Variants in THOC5 observed in about 807,000 individuals in gnomAD.
The protein encoded by THOC5 is THO complex subunit 5.
A neutral mutation model predicts 92.9 loss-of-function variants in THOC5; 43 were observed. That is an observed-to-expected ratio of 0.46 (90% CI 0.36 to 0.60). The LOEUF (loss-of-function observed/expected upper bound fraction) is 0.60. Among genes scored for constraint, THOC5 ranks in the 20% least tolerant of loss-of-function variants. THOC5 has a pLI of 0.00. For missense variants in THOC5, 659 were observed against 849.4 expected, an observed-to-expected ratio of 0.78 and a Z score of 2.79; for synonymous variants, 296 against 320.1, an observed-to-expected ratio of 0.92 and a Z score of 0.80.
chr22:29,529,192 C>G lies in THOC5; in HGVS notation c.895G>C (p.Ala299Pro). 6.2e-7 allele frequency: 1 copy of G among 1,614,216 alleles called. No individual in the cohort carries two copies. Among genetic ancestry groups the G allele is most frequent in the Non-Finnish European group, 8.5e-7 (1 of 1,180,042 alleles). ...AIEGSVDEAKALFKPPEDSQD... is the reference protein window; with the variant it reads ...AIEGSVDEAKPLFKPPEDSQD... ...GAGTCCTCTGGAGGTTTGAACAGAG[C>G]CTTGGCTTCATCCACACTGCCTTCG... The change falls in exon 9 of 20, where the codon GCT (alanine) becomes CCT (proline). Residue 299 changes from alanine (A) to proline (P), a missense_variant. Coordinates refer to ENST00000490103, the MANE Select transcript of THOC5 (RefSeq NM_003678.5).
At chr22:29,551,666 G>A (rs1223348111) in intron 1 of THOC5, among the ~76,000 whole-genome samples, 1 of 152,112 alleles carries the variant, frequency 6.6e-6, no homozygotes, top group East Asian at 1.9e-4. Context: ...TGGGAGGATG[G>A]CTTGAGCCCA....
chr22:29,525,746 G>A, intron 12 of THOC5, 92 bp downstream of exon 12: 11 of 992,416 alleles, frequency 1.1e-5, no homozygotes, highest in Non-Finnish European at 1.6e-5. Flanking sequence ...GCCCTCTCCA[G>A]AGCCAGAGGG....
chr22:29,542,489 A>G (rs1047472008), intron 5 of THOC5, among the ~76,000 whole-genome samples: 1 of 151,968 alleles, frequency 6.6e-6, no homozygotes, highest in African/African-American at 2.4e-5. Context: ...TTAGGCTGGG[A>G]GCGGTGGCTC....
chr22:29,525,851 G>T lies in THOC5; in HGVS notation c.1162C>A (p.Pro388Thr), dbSNP rs758948259. The change falls in exon 12 of 20, where the codon CCC (proline) becomes ACC (threonine). Residue 388 changes from proline to threonine, a missense_variant. Coordinates refer to ENST00000490103, the MANE Select transcript of THOC5 (RefSeq NM_003678.5). ...KVTTAMELIT[P>T]ISAGDLLSPD... ...CCTGCTCAATACCCTGCACTGATGG[G>T]GGTGATCAGCTCCATGGCAGTTGTC... 2.5e-6 allele frequency: 4 copies of T among 1,613,758 alleles called. No homozygotes were observed. The highest frequency in any genetic ancestry group is 3.4e-6 in the Non-Finnish European group (4 of 1,179,840).
intron 19 of THOC5, among the ~76,000 whole-genome samples, chr22:29,510,413 A>G (rs950548298): frequency 6.6e-6 from 1 of 152,170 alleles, no homozygotes; most frequent in Admixed American, 6.6e-5. Flanking sequence ...CCTGGCTAAT[A>G]TGGTGAAACC....
chr22:29,511,378 G>A (rs546631472), intron 18 of THOC5, 82 bp from the exon 19 acceptor site: 1 of 1,489,502 alleles, frequency 6.7e-7, no homozygotes, highest in East Asian at 2.3e-5. Context: ...GTCCCTGGAT[G>A]GGCCCGAGCG....
chr22:29,523,904 G>T (rs1407204037), intron 12 of THOC5, among the ~76,000 whole-genome samples: 1 of 152,238 alleles, frequency 6.6e-6, no homozygotes, highest in African/African-American at 2.4e-5. Context: ...CAATAAAACT[G>T]TATGCCAGGT....
rs775977624 is a variant in THOC5 at position 29,520,998 on chromosome 22, C to G, written c.1277G>C (p.Gly426Ala). Residue 426 changes from glycine (G) to alanine (A), a missense_variant and splice_region_variant, in exon 13 of 20, where the codon GGC becomes GCC. Physicochemically the swap from Gly to Ala is moderately conservative, Grantham distance 60 (BLOSUM62 0). Coordinates refer to ENST00000490103, the MANE Select transcript of THOC5 (RefSeq NM_003678.5). ...GGAGAGGAGGAAACTGCTGACTCAC[C>G]CAACTTTATCAAACTGATACTGATT... ...PANQYQFDKV[G>A]ILTLSDYVLE... The G allele has an allele frequency of 1.9e-6, 3 of 1,613,362 alleles. No individual in the cohort carries two copies. Among genetic ancestry groups the G allele is most frequent in the Non-Finnish European group, 1.7e-6 (2 of 1,179,362 alleles).
In THOC5 at chr22:29,547,103, CAAA is replaced by C. The variant is rs1249929771; in HGVS notation, c.96+1946_96+1948del. ...AAGTGGTTCACCTGCCTCGGCCTCC[CAAA>C]GTGCTAGGATTATAGGCGTGAGCCA... On this transcript the variant is annotated intron_variant, in intron 2 of 19. Transcript: ENST00000490103. Among the ~76,000 whole-genome samples the C allele has an allele frequency of 5.6e-3, 852 of 152,274 alleles. 5 individuals carry two copies. The highest frequency in any genetic ancestry group is 0.02 in the African/African-American group (830 of 41,550).
At chr22:29,528,680 T>C (rs546245623) in intron 9 of THOC5, among the ~76,000 whole-genome samples, 5 of 152,232 alleles carry the variant, frequency 3.3e-5, no homozygotes, top group Admixed American at 1.3e-4. Flanking sequence ...CTCATTTTTT[T>C]CAAAGGGCTT....
At chr22:29,549,492 ATG>A (rs1030013095) in intron 1 of THOC5, among the ~76,000 whole-genome samples, 1 of 152,138 alleles carries the variant, frequency 6.6e-6, no homozygotes, top group African/African-American at 2.4e-5. Context: ...TCCAGGCACC[ATG>A]TGTGTCTCCA....
intron 5 of THOC5, among the ~76,000 whole-genome samples, chr22:29,542,378 A>G (rs1457110051): frequency 6.6e-6 from 1 of 152,196 alleles, no homozygotes; most frequent in African/African-American, 2.4e-5. Flanking sequence ...ATGCAGCCTG[A>G]AATCACGGCT....
chr22:29,513,525 TA>T (rs914218601), intron 17 of THOC5, among the ~76,000 whole-genome samples: 15 of 151,762 alleles, frequency 9.9e-5, no homozygotes, highest in Admixed American at 8.5e-4. Flanking sequence ...TCATCTCTAG[TA>T]AAAATACAAA....
At chr22:29,524,063 G>C (rs1173966660) in intron 12 of THOC5, among the ~76,000 whole-genome samples, 1 of 152,178 alleles carries the variant, frequency 6.6e-6, no homozygotes, top group Non-Finnish European at 1.5e-5. Flanking sequence ...AGGAGGATGA[G>C]CTAGACAACA....
rs1222898567 is a variant in THOC5, at chr22:29,529,225, C to T, written c.862G>A (p.Val288Met). ...TCATCCACACTGCCTTCGATTGCCACAGATAACGTCTTATCTGGGGGGCAA... is the reference window on the plus strand; with the variant it reads ...TCATCCACACTGCCTTCGATTGCCATAGATAACGTCTTATCTGGGGGGCAA... ...YGQACDKTLS[V>M]AIEGSVDEAK... is the part of the protein sequence containing the mutation. The change falls in exon 9 of 20, where the codon GTG becomes ATG. Residue 288 changes from valine to methionine, a missense_variant. Transcript: ENST00000490103. 1 of 1,614,212 alleles carries T rather than the reference C, an allele frequency of 6.2e-7. No individual in the cohort carries two copies.
At chr22:29,546,044 A>G (rs953730592) in intron 2 of THOC5, among the ~76,000 whole-genome samples, 1 of 152,232 alleles carries the variant, frequency 6.6e-6, no homozygotes, top group African/African-American at 2.4e-5. Context: ...CCAAACCTCA[A>G]TTCTTGACTT....
intron 12 of THOC5, among the ~76,000 whole-genome samples, chr22:29,524,383 G>C (rs185072695): frequency 6.6e-6 from 1 of 152,260 alleles, no homozygotes. Context: ...AGCACCCTGG[G>C]AGGGGATATT....
chr22:29,513,791 A>T (rs1319251472), intron 17 of THOC5: 1 of 152,220 alleles, frequency 6.6e-6, no homozygotes, highest in South Asian at 2.1e-4. Context: ...TGAAGCCAGA[A>T]GTTTAAGACC....
intron 2 of THOC5, among the ~76,000 whole-genome samples, chr22:29,546,829 T>C (rs974068743): frequency 4.6e-5 from 7 of 151,478 alleles, no homozygotes; most frequent in Non-Finnish European, 8.8e-5. Context: ...CTTTTAACAG[T>C]ACCCAAGTCA....
Sources: allele counts gnomAD v4.1 joint callset (sites outside exome capture counted in the v4.1 genomes callset), GRCh38; gene constraint gnomAD v4.1.1; transcripts MANE v1.5; gene names NCBI Gene and HGNC (gene_info 2026-07-23, HGNC 2026-07-21).